The following SORCS1 variants were observed in gnomAD, a reference collection of about 807,000 sequenced individuals.
The protein encoded by SORCS1 is sortilin related VPS10 domain containing receptor 1, also known as VPS10 domain-containing receptor SorCS1.
In SORCS1, 60 loss-of-function variants were observed where a neutral mutation model predicts 146.1. The ratio of observed to expected loss-of-function variants is 0.41; its 90% CI spans 0.33 to 0.51. SORCS1 has a LOEUF of 0.51. Ranked by LOEUF, SORCS1 falls within the 20% of genes least tolerant of loss-of-function variation. The pLI, the probability that SORCS1 is intolerant of heterozygous loss-of-function variation, is 0.21. For synonymous variants in SORCS1, 637 were observed against 584.0 expected, an observed-to-expected ratio of 1.09 and a Z score of -1.31; for missense variants, 1,352 against 1,487.6, an observed-to-expected ratio of 0.91 and a Z score of 1.50.
chr10:107,102,187 A>AT (rs1307837801), intron 1 of SORCS1, among the ~76,000 whole-genome samples: 2 of 152,184 alleles, frequency 1.3e-5, no homozygotes, highest in African/African-American at 2.4e-5. Context: ...TAGTCATTGC[A>AT]TTTTAAGGAC....
intron 6 of SORCS1, among the ~76,000 whole-genome samples, chr10:106,722,209 C>A (rs918718337): frequency 1.3e-5 from 2 of 150,420 alleles, no homozygotes; most frequent in Admixed American, 1.3e-4. Context: ...TTATTGTTAT[C>A]ATTGCTATTT....
intron 2 of SORCS1, among the ~76,000 whole-genome samples, chr10:106,843,389 T>C (rs1352490334): frequency 6.6e-6 from 1 of 152,044 alleles, no homozygotes; most frequent in Non-Finnish European, 1.5e-5. Context: ...AGCATAATGT[T>C]TTCCAAGTTA....
intron 3 of SORCS1, among the ~76,000 whole-genome samples, chr10:106,778,963 A>G (rs565426916): frequency 1.3e-5 from 2 of 152,316 alleles, no homozygotes; most frequent in African/African-American, 4.8e-5. Flanking sequence ...ACTTTAAAGT[A>G]TTTTTGATAC....
chr10:106,987,927 C>T (rs2139428091), intron 1 of SORCS1, among the ~76,000 whole-genome samples: 1 of 152,168 alleles, frequency 6.6e-6, no homozygotes, highest in South Asian at 2.1e-4. Context: ...CTGAATTTAT[C>T]CAAGGTGAAT....
At chr10:106,862,212 A>G (rs1950039784) in intron 2 of SORCS1, among the ~76,000 whole-genome samples, 1 of 152,180 alleles carries the variant, frequency 6.6e-6, no homozygotes, top group South Asian at 2.1e-4. Flanking sequence ...TTATGGATAA[A>G]TATCATCCCC....
intron 1 of SORCS1, among the ~76,000 whole-genome samples, chr10:107,141,833 G>C (rs113167323): frequency 1.8e-4 from 27 of 152,298 alleles, no homozygotes; most frequent in African/African-American, 6.3e-4. Context: ...GCAGCAGAGT[G>C]ATTTTCTGTC....
chr10:106,712,475 G>A (rs12258991), intron 6 of SORCS1, among the ~76,000 whole-genome samples: 3,205 of 152,268 alleles, frequency 0.021, 98 homozygotes, highest in African/African-American at 0.065. Context: ...TTGAAGACTG[G>A]AAGGATCAAT....
intron 4 of SORCS1, among the ~76,000 whole-genome samples, chr10:106,765,325 G>A (rs1052236946): frequency 2.6e-5 from 4 of 151,474 alleles, no homozygotes; most frequent in African/African-American, 9.7e-5. Context: ...GCTACTCTGG[G>A]GCTATTAGCA....
upstream of SORCS1, among the ~76,000 whole-genome samples, chr10:107,165,482 C>T (rs912380581): frequency 2.6e-5 from 4 of 152,012 alleles, no homozygotes; most frequent in Non-Finnish European, 5.9e-5. The surrounding 1 kb of genome is among the most constrained non-coding windows in gnomAD (Gnocchi z 4.0). Flanking sequence ...TCTTGGTTTC[C>T]CTAAGAGACT....
chr10:106,893,171 G>A (rs1204474295), intron 2 of SORCS1, among the ~76,000 whole-genome samples: 2 of 151,998 alleles, frequency 1.3e-5, no homozygotes, highest in Non-Finnish European at 2.9e-5. Flanking sequence ...CCAAAGTGCT[G>A]GGAATACAGG....
At chr10:106,820,062 G>A (rs1947935575) in intron 3 of SORCS1, among the ~76,000 whole-genome samples, 1 of 152,052 alleles carries the variant, frequency 6.6e-6, no homozygotes, top group Non-Finnish European at 1.5e-5. Flanking sequence ...ATCTGTGAGA[G>A]GCTGTGCATT....
At chr10:107,002,644 A>G (rs1416330619) in intron 1 of SORCS1, among the ~76,000 whole-genome samples, 1 of 152,230 alleles carries the variant, frequency 6.6e-6, no homozygotes, top group Non-Finnish European at 1.5e-5. Context: ...GGAATTGCAT[A>G]CCTGCAAACT....
chr10:106,955,466 A>T (rs996673408), intron 2 of SORCS1, among the ~76,000 whole-genome samples: 1 of 152,238 alleles, frequency 6.6e-6, no homozygotes, highest in Non-Finnish European at 1.5e-5. Flanking sequence ...CTAAGTGGGC[A>T]GAGCAAGCCC....
chr10:106,797,098 C>T (rs1416779405), intron 3 of SORCS1, among the ~76,000 whole-genome samples: 1 of 152,134 alleles, frequency 6.6e-6, no homozygotes, highest in African/African-American at 2.4e-5. Context: ...CAGAGCAAGA[C>T]TCAGTCTCAA....
chr10:106,924,638 T>C (rs896572005), intron 2 of SORCS1, among the ~76,000 whole-genome samples: 2 of 151,956 alleles, frequency 1.3e-5, no homozygotes, highest in African/African-American at 2.4e-5. Flanking sequence ...TCAAAAATAA[T>C]TGTCCACCAT....
chr10:106,955,135 G>C (rs1271996160), intron 2 of SORCS1, among the ~76,000 whole-genome samples: 1 of 152,242 alleles, frequency 6.6e-6, no homozygotes, highest in Non-Finnish European at 1.5e-5. Context: ...ACTGTGGCTG[G>C]TGGGAAGGAG....
chr10:107,157,640 C>T (rs896580068), intron 1 of SORCS1, among the ~76,000 whole-genome samples: 2 of 152,146 alleles, frequency 1.3e-5, no homozygotes, highest in Non-Finnish European at 2.9e-5. Context: ...ATAGGATTTC[C>T]GACAGAGCAT....
In SORCS1 at chr10:106,618,289, C is replaced by A; in HGVS notation, c.2797-17G>T. The A allele has an allele frequency of 6.2e-7, 1 of 1,612,440 alleles. No homozygotes were observed. Among genetic ancestry groups the A allele is most frequent in the South Asian group, 1.1e-5 (1 of 90,914 alleles). On this transcript the variant is annotated splice_polypyrimidine_tract_variant and intron_variant, in intron 20 of 25. Transcript: ENST00000263054. ...GATCAAAGGCTAAAATAAACAAGGGCCCAGAGTGAAGGGAAAGCTCTTTAG... is the reference window on the plus strand; with the variant it reads ...GATCAAAGGCTAAAATAAACAAGGGACCAGAGTGAAGGGAAAGCTCTTTAG...
chr10:106,694,768 C>G (rs188109625), intron 9 of SORCS1, among the ~76,000 whole-genome samples: 1 of 152,312 alleles, frequency 6.6e-6, no homozygotes, highest in African/African-American at 2.4e-5. Flanking sequence ...GGCTGTCCTT[C>G]ATGACACCCA....
Sources: gnomAD v4.1 joint callset for allele counts (sites outside exome capture counted in the v4.1 genomes callset) on GRCh38, gnomAD v4.1.1 for gene constraint, Gnocchi (gnomAD v3.1) non-coding constraint, MANE v1.5 for transcripts, NCBI Gene and HGNC (gene_info 2026-07-23, HGNC 2026-07-21) for gene names.